Variants in SH3GL2 observed in about 807,000 individuals in gnomAD.
The protein encoded by SH3GL2 is endophilin-A1.
SH3GL2 carries 24 observed loss-of-function variants against 46.0 expected under a neutral mutation model. The ratio of observed to expected loss-of-function variants is 0.52; its 90% CI spans 0.38 to 0.73. The LOEUF is 0.73. SH3GL2 is among the 30% of genes least tolerant of loss of function. SH3GL2 has a pLI of 0.00. For synonymous variants in SH3GL2, 196 were observed against 147.1 expected (o/e 1.33, Z -2.40); for missense variants, 413 against 424.2 (o/e 0.97, Z 0.23).
At chr9:17,725,346 C>G (rs945388442) in intron 1 of SH3GL2, among the ~76,000 whole-genome samples, 40 of 152,108 alleles carry the variant, frequency 2.6e-4, no homozygotes, top group Admixed American at 2.6e-3. Context: ...TCCAAGAGCA[C>G]TCTTCTTTGG....
chr9:17,767,490 T>TA (rs1310200332), intron 3 of SH3GL2, among the ~76,000 whole-genome samples: 1 of 152,198 alleles, frequency 6.6e-6, no homozygotes, highest in Non-Finnish European at 1.5e-5. Context: ...ATACATGTAT[T>TA]ACTTGGCATT....
At chr9:17,678,040 T>C (rs537157020) in intron 1 of SH3GL2, among the ~76,000 whole-genome samples, 39 of 152,330 alleles carry the variant, frequency 2.6e-4, no homozygotes, top group African/African-American at 9.1e-4. Context: ...ATTGGACATT[T>C]GGGTTGGTTC....
At chr9:17,656,348 A>G (rs868014931) in intron 1 of SH3GL2, among the ~76,000 whole-genome samples, 1 of 152,012 alleles carries the variant, frequency 6.6e-6, no homozygotes, top group Non-Finnish European at 1.5e-5. Context: ...TAAAATCGGT[A>G]GAGTAACTGA....
intron 1 of SH3GL2, among the ~76,000 whole-genome samples, chr9:17,658,490 A>C: frequency 6.6e-6 from 1 of 152,350 alleles, no homozygotes; most frequent in Non-Finnish European, 1.5e-5. Flanking sequence ...AGCAATTAAT[A>C]AAAAATAGTA....
intron 3 of SH3GL2, among the ~76,000 whole-genome samples, chr9:17,778,896 C>G (rs1002201182): frequency 3.3e-5 from 5 of 152,166 alleles, no homozygotes; most frequent in African/African-American, 1.2e-4. Flanking sequence ...ATTGAGAGTA[C>G]TATAGGAGGA....
chr9:17,747,121 A>T lies in SH3GL2; in HGVS notation c.101A>T (p.Lys34Ile), dbSNP rs1313511322. ...GGAACCAAGCTAGATGATGACTTCA[A>T]AGAGATGGAAAGGGTAAGCCTTCAC... ...AEGTKLDDDF[K>I]EMERKVDVTS... The change falls in exon 2 of 9, where the codon AAA (lysine) becomes ATA (isoleucine). Residue 34 changes from lysine to isoleucine, a missense_variant. Lys to Ile is a moderately radical substitution (Grantham distance 102). Around this residue, in one of 3 missense-constraint regions of SH3GL2, gnomAD observed 160 missense variants for 192.3 expected, o/e 0.83. Coordinates refer to ENST00000380607, the MANE Select transcript of SH3GL2 (RefSeq NM_003026.5). The T allele has an allele frequency of 6.2e-7, 1 of 1,604,578 alleles. No individual in the cohort carries two copies. Among genetic ancestry groups the T allele is most frequent in the Admixed American group, 1.7e-5 (1 of 59,922 alleles).
rs1824265989 is a variant in SH3GL2 at position 17,795,999 on chromosome 9, T to G, written c.*256T>G. On this transcript the variant is annotated 3_prime_UTR_variant, in exon 9 of 9. Coordinates refer to ENST00000380607, the MANE Select transcript of SH3GL2 (RefSeq NM_003026.5). Reference sequence around the variant, plus strand: ...CCAGCCAGTAGTCACAGAACTGCTGTTTACACAGTTCTCAGGAGGCTGTGG... The same window carrying G: ...CCAGCCAGTAGTCACAGAACTGCTGGTTACACAGTTCTCAGGAGGCTGTGG... 2.1e-6 allele frequency: 1 copy of G among 486,342 alleles called. No homozygotes were observed. The highest frequency in any genetic ancestry group is 1.9e-5 in the African/African-American group (1 of 52,508). 30.1% of individuals were successfully genotyped at this position (486,342 alleles called of 1,614,324 possible).
chr9:17,734,356 T>C (rs1822265472), intron 1 of SH3GL2, among the ~76,000 whole-genome samples: 1 of 152,252 alleles, frequency 6.6e-6, no homozygotes. Flanking sequence ...ATATTGATGC[T>C]CATAGATTGA....
chr9:17,696,036 G>A lies in SH3GL2; in HGVS notation c.46-51030G>A, dbSNP rs557772846. On this transcript the variant is annotated intron_variant, in intron 1 of 8. Transcript: ENST00000380607. ...TGTTGTTGTCTGAGTTGTCCTGCAAGCTGATACAAATCACAACTTCCCCGA... is the reference window on the plus strand; with the variant it reads ...TGTTGTTGTCTGAGTTGTCCTGCAAACTGATACAAATCACAACTTCCCCGA... Among the ~76,000 whole-genome samples, 11 of 152,238 alleles carry A rather than the reference G, an allele frequency of 7.2e-5. No homozygotes were observed. In the South Asian group the frequency reaches 1.7e-3, roughly 23 times the overall value.
chr9:17,613,383 G>C (rs1818912425), intron 1 of SH3GL2, among the ~76,000 whole-genome samples: 1 of 152,276 alleles, frequency 6.6e-6, no homozygotes, highest in African/African-American at 2.4e-5. Flanking sequence ...ATATGGAGCT[G>C]ATGTTGCTGA....
At chr9:17,685,548 C>T (rs968747330) in intron 1 of SH3GL2, among the ~76,000 whole-genome samples, 1 of 151,972 alleles carries the variant, frequency 6.6e-6, no homozygotes, top group African/African-American at 2.4e-5. Context: ...GTGGGAAGAC[C>T]TAGGTTTTCT....
chr9:17,721,892 A>C (rs554928919), intron 1 of SH3GL2, among the ~76,000 whole-genome samples: 1 of 152,170 alleles, frequency 6.6e-6, no homozygotes, highest in South Asian at 2.1e-4. Context: ...TATAACCACT[A>C]ATAGGAAAAT....
chr9:17,682,439 C>T (rs891177059), intron 1 of SH3GL2, among the ~76,000 whole-genome samples: 1 of 152,044 alleles, frequency 6.6e-6, no homozygotes, highest in Non-Finnish European at 1.5e-5. Context: ...AGCCATCATC[C>T]TCAGCAAACT....
At chr9:17,708,022 A>G (rs979212226) in intron 1 of SH3GL2, among the ~76,000 whole-genome samples, 1 of 152,058 alleles carries the variant, frequency 6.6e-6, no homozygotes, top group Non-Finnish European at 1.5e-5. Flanking sequence ...AATGGAGTGC[A>G]CAAAGATAAT....
chr9:17,778,247 T>C (rs76117870), intron 3 of SH3GL2, among the ~76,000 whole-genome samples: 2,053 of 152,282 alleles, frequency 0.013, 53 homozygotes, highest in African/African-American at 0.046. Context: ...TTTTCAGTTA[T>C]CTTCCACGTT....
At chr9:17,732,733 A>C (rs1273404653) in intron 1 of SH3GL2, among the ~76,000 whole-genome samples, 1 of 152,140 alleles carries the variant, frequency 6.6e-6, no homozygotes, top group East Asian at 1.9e-4. Context: ...AGGACAGTAA[A>C]ACCTAATTGA....
intron 1 of SH3GL2, among the ~76,000 whole-genome samples, chr9:17,634,610 C>T (rs1819502094): frequency 6.6e-6 from 1 of 152,172 alleles, no homozygotes; most frequent in Non-Finnish European, 1.5e-5. Flanking sequence ...TTAAATATTT[C>T]TAGGTGTTCT....
intron 1 of SH3GL2, among the ~76,000 whole-genome samples, chr9:17,627,863 T>C (rs1819318745): frequency 6.6e-6 from 1 of 152,178 alleles, no homozygotes; most frequent in Admixed American, 6.5e-5. Context: ...TTTTTACTGC[T>C]CTAGTGACTC....
At chr9:17,598,272 T>G (rs769821153) in intron 1 of SH3GL2, among the ~76,000 whole-genome samples, 2 of 152,240 alleles carry the variant, frequency 1.3e-5, no homozygotes, top group Non-Finnish European at 2.9e-5. Flanking sequence ...TTTAGATTCT[T>G]ATTCAGAGAG....
Sources: allele counts gnomAD v4.1 joint callset (sites outside exome capture counted in the v4.1 genomes callset), GRCh38; gene constraint gnomAD v4.1.1; regional missense constraint gnomAD v4.1.1; transcripts MANE v1.5; gene names NCBI Gene and HGNC (gene_info 2026-07-23, HGNC 2026-07-21).